DLG2: variants seen among roughly 807,000 people sequenced by gnomAD.
DLG2 encodes disks large homolog 2.
A neutral mutation model predicts 132.5 loss-of-function variants in DLG2; 45 were observed. The ratio of observed to expected loss-of-function variants is 0.34; its 90% confidence interval spans 0.27 to 0.44. The LOEUF is 0.44. Ranked by LOEUF, DLG2 falls within the 20% of genes least tolerant of loss-of-function variation. DLG2 has a pLI of 1.00. For synonymous variants in DLG2, 424 were observed against 419.6 expected (o/e 1.01, Z -0.13); for missense variants, 1,045 against 1,196.9 (o/e 0.87, Z 1.87).
At chr11:83,941,897 T>G (rs1165615624) in intron 14 of DLG2, among the ~76,000 whole-genome samples, 1 of 152,224 alleles carries the variant, frequency 6.6e-6, no homozygotes, top group African/African-American at 2.4e-5. Flanking sequence ...CATTGGATAT[T>G]AGACGTTTTT....
chr11:83,709,036 T>C (rs2084732268), intron 18 of DLG2, among the ~76,000 whole-genome samples: 2 of 152,150 alleles, frequency 1.3e-5, no homozygotes, highest in African/African-American at 2.4e-5. Flanking sequence ...CAGAGTCCAC[T>C]GTATGTGGTA....
At chr11:85,290,961 T>G (rs1283371065) in intron 3 of DLG2, among the ~76,000 whole-genome samples, 1 of 152,148 alleles carries the variant, frequency 6.6e-6, no homozygotes, top group Non-Finnish European at 1.5e-5. Flanking sequence ...TATTTCATCT[T>G]CTTCCAAGAA....
chr11:85,197,470 G>A (rs1193871880), intron 4 of DLG2, among the ~76,000 whole-genome samples: 1 of 152,104 alleles, frequency 6.6e-6, no homozygotes, highest in Non-Finnish European at 1.5e-5. Context: ...AGTGTATTAA[G>A]AAATCTTGAC....
chr11:85,121,032 AT>A (rs1420559946), intron 5 of DLG2, among the ~76,000 whole-genome samples: 1 of 152,160 alleles, frequency 6.6e-6, no homozygotes, highest in East Asian at 1.9e-4. Flanking sequence ...AGTTGGACAA[AT>A]TCCAAGTAAT....
chr11:84,805,422 G>A (rs185193170), intron 6 of DLG2, among the ~76,000 whole-genome samples: 6 of 152,122 alleles, frequency 3.9e-5, no homozygotes, highest in Admixed American at 1.3e-4. Context: ...TGCTGATATC[G>A]TTTAGATCTG....
chr11:83,539,594 T>G (rs971448011), intron 20 of DLG2, among the ~76,000 whole-genome samples: 2 of 151,682 alleles, frequency 1.3e-5, no homozygotes, highest in Non-Finnish European at 1.5e-5. Flanking sequence ...TGAAAATAAT[T>G]AAAATCCTAA....
chr11:84,207,914 CATAA>C (rs1242762631), intron 8 of DLG2, among the ~76,000 whole-genome samples: 1 of 151,994 alleles, frequency 6.6e-6, no homozygotes, highest in Non-Finnish European at 1.5e-5. Context: ...AAACAATTTT[CATAA>C]ATAAATAATA....
At chr11:84,168,213 G>T (rs2095717161) in intron 8 of DLG2, among the ~76,000 whole-genome samples, 1 of 152,196 alleles carries the variant, frequency 6.6e-6, no homozygotes, top group African/African-American at 2.4e-5. Context: ...TCATACAAGA[G>T]TGATATCTAA....
rs1197778104 is a variant in DLG2 at position 83,895,440 on chromosome 11, G to T, written c.1497-20952C>A. Among the ~76,000 whole-genome samples the T allele has an allele frequency of 4.6e-5, 7 of 152,150 alleles. No homozygotes were observed. In the East Asian group the frequency reaches 1.3e-3, roughly 29 times the overall value. On this transcript the variant is annotated intron_variant, in intron 15 of 27. Coordinates refer to ENST00000376104, the MANE Select transcript of DLG2 (RefSeq NM_001142699.3). ...TTTCCAAAGTGCTGGGATTACAGGC[G>T]TGAGCCACCGCGTCCAGCCACTACT...
intron 6 of DLG2, among the ~76,000 whole-genome samples, chr11:84,784,018 C>T (rs1391425657): frequency 2.0e-5 from 3 of 151,482 alleles, no homozygotes; most frequent in Non-Finnish European, 4.4e-5. Context: ...AGGGTATAGG[C>T]TGGGCACAGT....
chr11:84,312,586 C>T (rs373798525), intron 7 of DLG2, among the ~76,000 whole-genome samples: 1 of 151,986 alleles, frequency 6.6e-6, no homozygotes, highest in African/African-American at 2.4e-5. Flanking sequence ...CTCTGTGGTT[C>T]CTCTGTATTC....
At chr11:85,194,060 G>A (rs1368378773) in intron 4 of DLG2, among the ~76,000 whole-genome samples, 1 of 152,218 alleles carries the variant, frequency 6.6e-6, no homozygotes, top group East Asian at 1.9e-4. Flanking sequence ...TTTCAAGATG[G>A]CACCATTCTG....
intron 6 of DLG2, among the ~76,000 whole-genome samples, chr11:85,001,963 A>T (rs1165905862): frequency 6.6e-6 from 1 of 152,168 alleles, no homozygotes; most frequent in African/African-American, 2.4e-5. Flanking sequence ...CAACTTCCCT[A>T]AAAAATAAAT....
In DLG2 at chr11:83,903,842, T is replaced by C. The variant is rs2074075653; in HGVS notation, c.1496+26486A>G. Reference sequence around the variant, plus strand: ...ATTGATATGCAGTAGTCCCTTCTTATCTTCAGTGGAAATGTGCCAAGATTG... The same window carrying C: ...ATTGATATGCAGTAGTCCCTTCTTACCTTCAGTGGAAATGTGCCAAGATTG... On this transcript the variant is annotated intron_variant, in intron 15 of 27. Transcript: ENST00000376104. Among the ~76,000 whole-genome samples, 3 of 152,184 alleles carry C rather than the reference T, an allele frequency of 2.0e-5. 1 individual carries two copies. In the South Asian group the frequency reaches 6.2e-4, roughly 31 times the overall value.
At position 84,739,597 on chromosome 11, in the gene DLG2, T is replaced by C. The variant is rs558148743; in HGVS notation, c.358-204866A>G. ...GTGAGGAAAGCCTAAAGTTTTAGAG[T>C]TTAAAATTGAGAAATATTGATAAGG... is the stretch of plus-strand genomic sequence containing the variant. On this transcript the variant is annotated intron_variant, in intron 6 of 27. Transcript: ENST00000376104. Among the ~76,000 whole-genome samples the C allele has an allele frequency of 5.8e-4, 88 of 152,134 alleles. No individual in the cohort carries two copies. In the Middle Eastern group the frequency reaches 0.014, roughly 24 times the overall value.
chr11:85,078,840 T>C (rs564412478), intron 6 of DLG2, among the ~76,000 whole-genome samples: 1 of 152,232 alleles, frequency 6.6e-6, no homozygotes, highest in Non-Finnish European at 1.5e-5. Context: ...GTCATAGTAG[T>C]AGAAACAAGA....
In DLG2 at chr11:84,955,459, T is replaced by C. The variant is rs577921803; in HGVS notation, c.357+156202A>G. ...AATTTGTGCTCTTAATCATATTTTA[T>C]AGCCTCACAATAAATTAGAATAAAT... On this transcript the variant is annotated intron_variant, in intron 6 of 27. Coordinates refer to ENST00000376104, the MANE Select transcript of DLG2 (RefSeq NM_001142699.3). 32 of 152,302 alleles carry C rather than the reference T, an allele frequency of 2.1e-4. 2 individuals are homozygous for C. The highest frequency in any genetic ancestry group is 7.5e-4 in the African/African-American group (31 of 41,572). 9.4% of individuals were successfully genotyped at this position (152,302 alleles called of 1,614,324 possible).
At chr11:85,102,016 C>G (rs1337418669) in intron 6 of DLG2, among the ~76,000 whole-genome samples, 1 of 151,858 alleles carries the variant, frequency 6.6e-6, no homozygotes, top group Non-Finnish European at 1.5e-5. Context: ...TTGTGGCTGC[C>G]AAGATGGTGG....
intron 10 of DLG2, among the ~76,000 whole-genome samples, chr11:84,077,333 T>G (rs2096842717): frequency 6.6e-6 from 1 of 152,214 alleles, no homozygotes; most frequent in African/African-American, 2.4e-5. Context: ...CCAGTAATCT[T>G]GATTTTGCCA....
Sources: allele counts gnomAD v4.1 joint callset (sites outside exome capture counted in the v4.1 genomes callset), GRCh38; gene constraint gnomAD v4.1.1; transcripts MANE v1.5; gene names NCBI Gene and HGNC (gene_info 2026-07-23, HGNC 2026-07-21).